The following CACNA2D3 variants were observed in gnomAD, a reference collection of about 807,000 sequenced individuals.
CACNA2D3 encodes the protein calcium voltage-gated channel auxiliary subunit alpha2delta 3.
A neutral mutation model predicts 160.6 loss-of-function variants in CACNA2D3; 60 were observed. The observed-to-expected ratio is 0.37, with a 90% CI of 0.30 to 0.46. The LOEUF is 0.46. CACNA2D3 is among the 20% of genes least tolerant of loss of function. CACNA2D3 has a pLI of 1.00. For synonymous variants in CACNA2D3, 558 were observed against 492.9 expected (o/e 1.13, Z -1.75); for missense variants, 1,205 against 1,365.0 (o/e 0.88, Z 1.85).
chr3:54,650,201 T>TTTTG lies in CACNA2D3; in HGVS notation c.1167+7973_1167+7976dup, dbSNP rs60967814. On this transcript the variant is annotated intron_variant, in intron 11 of 37. Transcript: ENST00000474759. Reference sequence around the variant, plus strand: ...GGTAGCTTGTTTTTTTGTTTTTTGTTTTTGTTTGTTTGTTTGAGACGGAGT... The same window carrying TTTTG: ...GGTAGCTTGTTTTTTTGTTTTTTGTTTTTGTTTGTTTGTTTGTTTGAGACGGAGT... Among the ~76,000 whole-genome samples the TTTTG allele has an allele frequency of 2.1e-3, 316 of 151,184 alleles. 9 individuals carry two copies. In the East Asian group the frequency reaches 0.04, roughly 19 times the overall value.
chr3:54,188,274 A>C (rs1700916674), intron 2 of CACNA2D3, among the ~76,000 whole-genome samples: 1 of 150,720 alleles, frequency 6.6e-6, no homozygotes, highest in Admixed American at 6.6e-5. Context: ...CAAACAAAAA[A>C]ACCAGTAGCA....
At chr3:54,684,213 G>T (rs1700407692) in intron 11 of CACNA2D3, among the ~76,000 whole-genome samples, 1 of 152,086 alleles carries the variant, frequency 6.6e-6, no homozygotes, top group African/African-American at 2.4e-5. Flanking sequence ...GCCCGTCTTG[G>T]CCTCCCAAAG....
chr3:54,728,390 A>G (rs1025447226), intron 11 of CACNA2D3, among the ~76,000 whole-genome samples: 1 of 152,166 alleles, frequency 6.6e-6, no homozygotes, highest in Non-Finnish European at 1.5e-5. Context: ...CTTAATTTTA[A>G]TCAATGTTTT....
chr3:54,260,193 CT>C (rs141557817), intron 2 of CACNA2D3, among the ~76,000 whole-genome samples: 27,494 of 152,040 alleles, frequency 0.18, 2,856 homozygotes, highest in South Asian at 0.26. Context: ...CTACTGATCT[CT>C]TTTTTCTCTG....
At chr3:54,984,773 T>G (rs1176638610) in intron 30 of CACNA2D3, 103 bp downstream of exon 30, 2 of 725,394 alleles carry the variant, frequency 2.8e-6, no homozygotes, top group South Asian at 1.7e-5. Flanking sequence ...TGATCTTTAT[T>G]TAGGAGGTAA....
chr3:54,449,415 A>AT (rs1700270966), intron 4 of CACNA2D3, among the ~76,000 whole-genome samples: 1 of 152,186 alleles, frequency 6.6e-6, no homozygotes, highest in African/African-American at 2.4e-5. Context: ...ATATTTGCTA[A>AT]TTTGGTGTTT....
At position 54,317,635 on chromosome 3, in the gene CACNA2D3, T is replaced by C. The variant is rs142090897; in HGVS notation, c.205-2807T>C. On this transcript the variant is annotated intron_variant, in intron 2 of 37. Coordinates refer to ENST00000474759, the MANE Select transcript of CACNA2D3 (RefSeq NM_018398.3). ...TCACTGCAATATCCGCCTCCCAGGT[T>C]GAAGTGATTCTTCTGCCTCAGTCTC... Among the ~76,000 whole-genome samples, 152 of 152,302 alleles carry C rather than the reference T, an allele frequency of 1.0e-3. 1 individual carries two copies. The highest frequency in any genetic ancestry group is 3.4e-3 in the African/African-American group (141 of 41,576).
chr3:54,973,557 A>G (rs1236781966), intron 29 of CACNA2D3, among the ~76,000 whole-genome samples: 2 of 152,112 alleles, frequency 1.3e-5, no homozygotes, highest in Non-Finnish European at 1.5e-5. Context: ...GCTTGTAGGC[A>G]TTTCCTCTGG....
At chr3:54,238,745 G>C (rs1157390151) in intron 2 of CACNA2D3, among the ~76,000 whole-genome samples, 1 of 152,198 alleles carries the variant, frequency 6.6e-6, no homozygotes, top group East Asian at 1.9e-4. Flanking sequence ...CCCCTAAACA[G>C]AAGGCAGTTA....
intron 4 of CACNA2D3, among the ~76,000 whole-genome samples, chr3:54,492,519 G>A (rs1397139696): frequency 3.3e-5 from 5 of 152,256 alleles, no homozygotes; most frequent in South Asian, 2.1e-4. Flanking sequence ...GGCCTCACCC[G>A]GCCTGAAGAG....
chr3:54,768,373 A>G (rs1027634206), intron 13 of CACNA2D3, among the ~76,000 whole-genome samples: 1 of 152,184 alleles, frequency 6.6e-6, no homozygotes. Flanking sequence ...CTCACGGCAG[A>G]TATAAGTTCA....
chr3:54,924,548 G>T, intron 27 of CACNA2D3: 1 of 1,256,038 alleles, frequency 8.0e-7, no homozygotes, highest in Non-Finnish European at 1.1e-6. Flanking sequence ...TCTTTCTAAT[G>T]CAGAGAACAG....
At chr3:55,001,486 A>G (rs1010163805) in intron 31 of CACNA2D3, among the ~76,000 whole-genome samples, 1 of 152,178 alleles carries the variant, frequency 6.6e-6, no homozygotes, top group South Asian at 2.1e-4. Flanking sequence ...CTTTAACCCT[A>G]TGACCACCCT....
At chr3:54,322,818 T>TA (rs377641296) in intron 3 of CACNA2D3, among the ~76,000 whole-genome samples, 2,061 of 143,544 alleles carry the variant, frequency 0.014, 42 homozygotes, top group African/African-American at 0.049. Flanking sequence ...TTAGTGAAGA[T>TA]AAAAAAAAAA....
chr3:55,013,149 T>C (rs1007887788), intron 34 of CACNA2D3, among the ~76,000 whole-genome samples: 2 of 152,182 alleles, frequency 1.3e-5, no homozygotes, highest in Non-Finnish European at 2.9e-5. Flanking sequence ...CATAAGTGCT[T>C]TGCCATTTCC....
intron 35 of CACNA2D3, among the ~76,000 whole-genome samples, chr3:55,055,384 T>G (rs559302650): frequency 2.0e-5 from 3 of 152,266 alleles, no homozygotes; most frequent in African/African-American, 7.2e-5. Flanking sequence ...TCTGGGCTCT[T>G]TATTCTGTTC....
At chr3:54,449,125 T>G (rs1027138548) in intron 4 of CACNA2D3, among the ~76,000 whole-genome samples, 1 of 152,222 alleles carries the variant, frequency 6.6e-6, no homozygotes, top group African/African-American at 2.4e-5. Flanking sequence ...TGCAATAATA[T>G]GGAGTAAAGA....
rs1261954509 is a variant in CACNA2D3, at chr3:54,618,377, A to ATATG, written c.964-9410_964-9409insTATG. 6.6e-3 allele frequency among the ~76,000 whole-genome samples: 806 copies of ATATG among 121,932 alleles called. 9 individuals carry two copies. The highest frequency in any genetic ancestry group is 9.3e-3 in the Non-Finnish European group (534 of 57,240). The allele number at this position is 121,932 out of a possible 152,430, so 80.0% of individuals were successfully genotyped here. On this transcript the variant is annotated intron_variant, in intron 9 of 37. Coordinates refer to ENST00000474759, the MANE Select transcript of CACNA2D3 (RefSeq NM_018398.3). Reference sequence around the variant, plus strand: ...CATATATATATATATATATATATGCACACACACACACACACACACACACAC... The same window carrying ATATG: ...CATATATATATATATATATATATGCATATGCACACACACACACACACACACACAC...
In CACNA2D3 at chr3:54,891,434, G is replaced by GAGC. The variant is rs1700066436; in HGVS notation, c.2234_2236dup (p.Gln745dup). Reference sequence around the variant, plus strand: ...CAGAATCAACCTGTTTGTCGGGGCTGAGCAGCTCACCAATCAGTAAGTAGG... The same window carrying GAGC: ...CAGAATCAACCTGTTTGTCGGGGCTGAGCAGCAGCTCACCAATCAGTAAGTAGG... On this transcript the variant is annotated inframe_insertion, in exon 25 of 38. Coordinates refer to ENST00000474759, the MANE Select transcript of CACNA2D3 (RefSeq NM_018398.3). 6.2e-7 allele frequency: 1 copy of GAGC among 1,613,710 alleles called. No individual in the cohort carries two copies. The highest frequency in any genetic ancestry group is 1.3e-5 in the African/African-American group (1 of 74,898).
Sources: gnomAD v4.1 joint callset for allele counts (sites outside exome capture counted in the v4.1 genomes callset) on GRCh38, gnomAD v4.1.1 for gene constraint, MANE v1.5 for transcripts, NCBI Gene and HGNC (gene_info 2026-07-23, HGNC 2026-07-21) for gene names.